Variants in HR observed in about 807,000 individuals in gnomAD.
HR encodes the protein HR lysine demethylase and nuclear receptor corepressor.
Under a neutral mutation model 128.6 loss-of-function variants are expected in HR, and 83 were observed. That is an observed-to-expected ratio of 0.65 (90% CI 0.54 to 0.77). The LOEUF (loss-of-function observed/expected upper bound fraction) is 0.77. Ranked by LOEUF, HR falls within the 30% of genes least tolerant of loss-of-function variation. HR has a pLI of 0.00. For synonymous variants in HR, 681 were observed against 658.2 expected (o/e 1.03, Z -0.53); for missense variants, 1,490 against 1,574.6 (o/e 0.95, Z 0.91).
intron 5 of HR, 37 bp from the exon 6 acceptor site, chr8:22,123,850 G>A: frequency 1.3e-6 from 2 of 1,575,142 alleles, no homozygotes; most frequent in Non-Finnish European, 1.7e-6. Context: ...AGAGGGTGAA[G>A]GCAACAGGCC....
Position 22,116,295 on chromosome 8 carries a change from C to T in HR, c.3507+5G>A. Reference sequence around the variant, plus strand: ...ACCCAGCCTGCTGGCCCACATCCCACTCACCTGGGCATAAAGCAGGTGGCA... The same window carrying T: ...ACCCAGCCTGCTGGCCCACATCCCATTCACCTGGGCATAAAGCAGGTGGCA... On this transcript the variant is annotated splice_donor_5th_base_variant and intron_variant, in intron 18 of 18. Transcript: ENST00000381418. This position sits in a 1 kb window ranked among gnomAD's most constrained non-coding sequence, Gnocchi z 4.2. 6.2e-7 allele frequency: 1 copy of T among 1,612,012 alleles called. No individual in the cohort carries two copies.
At chr8:22,121,806 G>C in intron 8 of HR, 112 bp from the exon 9 acceptor site, 1 of 1,094,332 alleles carries the variant, frequency 9.1e-7, no homozygotes, top group South Asian at 1.3e-5. Flanking sequence ...TCCTAAAATC[G>C]TGTTTATAGG....
In HR at chr8:22,119,026, G is replaced by A. The variant is rs567282732; in HGVS notation, c.3137C>T (p.Pro1046Leu). 1.4e-5 allele frequency: 22 copies of A among 1,613,200 alleles called. No homozygotes were observed. The highest frequency in any genetic ancestry group is 4.5e-5 in the East Asian group (2 of 44,888). Residue 1046 changes from proline (P) to leucine (L), a missense_variant, in exon 16 of 19, where the codon CCG becomes CTG. By Grantham distance (98) the Pro-to-Leu change is moderately conservative. Coordinates refer to ENST00000381418, the MANE Select transcript of HR (RefSeq NM_005144.5). ...SGLDGEGLWS[P>L]GSQVSTVWHV... ...CCACACAGTGCTGACCTGGCTGCCC[G>A]GAGACCAGAGCCCCTCCCCGTCCAG...
Position 22,121,643 on chromosome 8 carries a change from C to T in HR, c.2173G>A (p.Asp725Asn), listed in dbSNP as rs371579555. 92 of 1,614,112 alleles carry T rather than the reference C, an allele frequency of 5.7e-5. No homozygotes were observed. Among genetic ancestry groups the T allele is most frequent in the Non-Finnish European group, 7.3e-5 (86 of 1,180,024 alleles). Residue 725 changes from aspartate to asparagine, a missense_variant, in exon 9 of 19, where the codon GAC becomes AAC. By Grantham distance (23) the Asp-to-Asn change is conservative. This residue lies in a region of HR where 1,060 missense variants were observed against 1,060.9 expected (regional missense o/e 1.00). Transcript: ENST00000381418. ...TTGATGCTCTTGGTCCTGTGGGTGT[C>T]GCCATTGCAGGAAGGTTGTGGAGTT... Reference protein sequence around the residue: ...PPTPQPSCNGDTHRTKSIKEE... With the variant: ...PPTPQPSCNGNTHRTKSIKEE...
chr8:22,118,926 G>A (rs778739235), intron 16 of HR, 24 bp downstream of exon 16: 17 of 1,595,282 alleles, frequency 1.1e-5, no homozygotes, highest in Non-Finnish European at 1.5e-5. Context: ...GGGGGAAGGG[G>A]AGGGCTCCCG....
intron 6 of HR, 146 bp from the exon 7 acceptor site, chr8:22,123,025 A>T: frequency 1.3e-6 from 1 of 748,872 alleles, no homozygotes; most frequent in Non-Finnish European, 2.3e-6. Flanking sequence ...GGTCACATAG[A>T]GACACAGCAT....
rs745393302 is a variant in HR at position 22,121,108 on chromosome 8, C to T, written c.2324G>A (p.Arg775Gln). Residue 775 changes from arginine to glutamine, a missense_variant, in exon 10 of 19, where the codon CGA (arginine) becomes CAA (glutamine). This residue lies in a region of HR where 1,060 missense variants were observed against 1,060.9 expected (regional missense o/e 1.00). Transcript: ENST00000381418. Reference sequence around the variant, plus strand: ...GACGGGGGCGAAGGCCATGTGTATTCGCTCATGGCCCAAGCAGAGTTTGAC... The same window carrying T: ...GACGGGGGCGAAGGCCATGTGTATTTGCTCATGGCCCAAGCAGAGTTTGAC... Reference protein sequence around the residue: ...TAVKLCLGHERIHMAFAPVTP... With the variant: ...TAVKLCLGHEQIHMAFAPVTP... The T allele has an allele frequency of 2.3e-5, 37 of 1,613,728 alleles. No individual in the cohort carries two copies. The highest frequency in any genetic ancestry group is 1.8e-4 in the East Asian group (8 of 44,888).
intron 6 of HR, 32 bp downstream of exon 6, chr8:22,123,617 T>TTGGGGGGC: frequency 1.7e-4 from 50 of 292,074 alleles, no homozygotes; most frequent in Non-Finnish European, 2.8e-4. Context: ...GAGGGCTCCA[T>TTGGGGGGC]CCCGCCCTCC....
At chr8:22,117,599 G>C (rs970371547) in intron 16 of HR, 4 of 153,150 alleles carry the variant, frequency 2.6e-5, no homozygotes, top group African/African-American at 9.6e-5. Context: ...CAGGTGAACA[G>C]GCTTTCCGGC....
At chr8:22,118,123 T>G (rs1407517187) in intron 16 of HR, 1 of 152,408 alleles carries the variant, frequency 6.6e-6, no homozygotes, top group African/African-American at 2.4e-5. Flanking sequence ...TACACATGTG[T>G]GTACCTGTGG....
chr8:22,116,781 T>G lies in HR; in HGVS notation c.3378+94A>C. 2.0e-6 allele frequency: 3 copies of G among 1,464,462 alleles called. No individual in the cohort carries two copies. Among genetic ancestry groups the G allele is most frequent in the Non-Finnish European group, 2.8e-6 (3 of 1,081,674 alleles). 90.7% of individuals were successfully genotyped at this position (1,464,462 alleles called of 1,614,324 possible). ...GCGGCTCCCTGCCCTGCCCGGCTCTTGGGTATTGAGGGGATGTTGGATGCC... is the reference window on the plus strand; with the variant it reads ...GCGGCTCCCTGCCCTGCCCGGCTCTGGGGTATTGAGGGGATGTTGGATGCC... On this transcript the variant is annotated intron_variant, in intron 17 of 18. Transcript: ENST00000381418. The surrounding 1 kb of genome is among the most constrained non-coding windows in gnomAD (Gnocchi z 4.2).
At position 22,117,027 on chromosome 8, in the gene HR, C is replaced by G; in HGVS notation, c.3226G>C (p.Gly1076Arg). Residue 1076 changes from glycine (G) to arginine (R), a missense_variant, in exon 17 of 19, where the codon GGG (glycine) becomes CGG (arginine). By Grantham distance (125) the Gly-to-Arg change is moderately radical. Transcript: ENST00000381418. ...GCGCCAGGCTCCAGGGCGCCTGCCC[C>G]GGCCGGGCACACCTCAAAGAAGAGA... ...RRFLQMVCPA[G>R]AGALEPGAPG... 6.6e-7 allele frequency: 1 copy of G among 1,505,180 alleles called. No individual in the cohort carries two copies. Among genetic ancestry groups the G allele is most frequent in the Non-Finnish European group, 8.8e-7 (1 of 1,132,868 alleles). 93.2% of individuals were successfully genotyped at this position (1,505,180 alleles called of 1,614,324 possible). A position where few individuals can be genotyped will look rare whatever the true frequency, so the allele number is the denominator to read the frequency against.
chr8:22,119,433 C>T (rs888997527), intron 14 of HR, 150 bp from the exon 15 acceptor site: 3 of 1,182,734 alleles, frequency 2.5e-6, no homozygotes, highest in Non-Finnish European at 3.6e-6. Context: ...TGGAGAAACC[C>T]CCTCTCTACT....
At chr8:22,128,173 A>G in intron 2 of HR, 1 of 510,792 alleles carries the variant, frequency 2.0e-6, no homozygotes, top group African/African-American at 1.9e-5. Flanking sequence ...AGTGGGAGTC[A>G]TCTATGGAGG....
intron 3 of HR, 136 bp downstream of exon 3, chr8:22,126,901 G>T: frequency 1.2e-6 from 1 of 807,686 alleles, no homozygotes; most frequent in Non-Finnish European, 1.9e-6. Flanking sequence ...CTCCCAGAGA[G>T]CCCTCGTGAT....
rs1461143468 is a variant in HR, at chr8:22,119,850, A to G, written c.2887T>C (p.Cys963Arg). ...AGGTTGAGTTTTCCATGGAGGGCGC[A>G]GTACTCCGGAAGTGGCAGACTGGCA... ...LAASLPLPEY[C>R]ALHGKLNLAS... The change falls in exon 14 of 19, where the codon TGC (cysteine) becomes CGC (arginine). Residue 963 changes from cysteine (C) to arginine (R), a missense_variant. Cys to Arg is a radical substitution (Grantham distance 180). Coordinates refer to ENST00000381418, the MANE Select transcript of HR (RefSeq NM_005144.5). 1 of 1,613,838 alleles carries G rather than the reference A, an allele frequency of 6.2e-7. No homozygotes were observed. The highest frequency in any genetic ancestry group is 2.2e-5 in the East Asian group (1 of 44,876).
At chr8:22,128,205 T>C (rs1047997870) in intron 2 of HR, 2 of 509,150 alleles carry the variant, frequency 3.9e-6, no homozygotes, top group Non-Finnish European at 7.1e-6. Flanking sequence ...ACATGGGCCA[T>C]GGGGTCCCCT....
At position 22,116,422 on chromosome 8, in the gene HR, C is replaced by T; in HGVS notation, c.3385G>A (p.Gly1129Ser). Residue 1129 changes from glycine (G) to serine (S), a missense_variant, in exon 18 of 19, where the codon GGC (glycine) becomes AGC (serine). By Grantham distance (56) the Gly-to-Ser change is moderately conservative. Coordinates refer to ENST00000381418, the MANE Select transcript of HR (RefSeq NM_005144.5). The surrounding 1 kb of genome is among the most constrained non-coding windows in gnomAD (Gnocchi z 4.2). The stretch of plus-strand genomic sequence containing the variant: ...GTGACGCTGACTGTGCTCACCAGGC[C>T]CTGCACCTGTGTCGGGGGGACATGG... Reference protein sequence around the residue: ...VPAGAPHQVQGLVSTVSVTQH... With the variant: ...VPAGAPHQVQSLVSTVSVTQH... The T allele has an allele frequency of 6.2e-7, 1 of 1,613,682 alleles. No homozygotes were observed. The highest frequency in any genetic ancestry group is 8.5e-7 in the Non-Finnish European group (1 of 1,179,878).
At chr8:22,119,733 A>G (rs1826685636) in intron 14 of HR, 27 bp downstream of exon 14, 3 of 1,590,072 alleles carry the variant, frequency 1.9e-6, no homozygotes, top group Non-Finnish European at 2.6e-6. Context: ...GGGAGTAGAG[A>G]CTGGGCAGGA....
Sources: allele counts gnomAD v4.1 joint callset, GRCh38; gene constraint gnomAD v4.1.1; regional missense constraint gnomAD v4.1.1; non-coding constraint Gnocchi (gnomAD v3.1); transcripts MANE v1.5; gene names NCBI Gene and HGNC (gene_info 2026-07-23, HGNC 2026-07-21).